PDE4DIP: variants seen among roughly 807,000 people sequenced by gnomAD.
PDE4DIP encodes myomegalin.
Under a neutral mutation model 221.4 loss-of-function variants are expected in PDE4DIP, and 59 were observed. That is an observed-to-expected ratio of 0.27 (90% CI 0.22 to 0.33). The LOEUF (loss-of-function observed/expected upper bound fraction) is 0.33. Ranked by LOEUF, PDE4DIP falls within the 10% of genes least tolerant of loss-of-function variation. The probability of loss-of-function intolerance (pLI) is 1.00; values close to 1 mark genes in which losing one functional copy is unlikely to be tolerated. For synonymous variants in PDE4DIP, 404 were observed against 815.9 expected (o/e 0.50, Z 8.60); for missense variants, 1,036 against 2,154.2 (o/e 0.48, Z 10.28).
intron 5 of PDE4DIP, chr1:148,952,388 G>C (rs1553490448): frequency 2.8e-6 from 3 of 1,078,616 alleles, no homozygotes; most frequent in Non-Finnish European, 3.4e-6. Context: ...CTCCATCCCC[G>C]AGGCTTTGCG....
At chr1:148,984,349 A>G (rs1250388770) in intron 21 of PDE4DIP, 3 of 151,958 alleles carry the variant, frequency 2.0e-5, no homozygotes, top group East Asian at 3.8e-4. Flanking sequence ...CCTTATTTAT[A>G]TTTTTAAAAG....
At chr1:149,009,678 G>A (rs782329428) in exon 30 of PDE4DIP, 37 of 1,613,992 alleles carry the variant, frequency 2.3e-5, no homozygotes, top group African/African-American at 2.7e-5. Flanking sequence ...GACTCCCACC[G>A]CTCTCCCAGC....
chr1:148,828,835 GT>G (rs1671269005), intron 1 of PDE4DIP, among the ~76,000 whole-genome samples: 1 of 151,188 alleles, frequency 6.6e-6, no homozygotes, highest in South Asian at 2.1e-4. Flanking sequence ...GAGGTTTGAG[GT>G]TTTTGTTATG....
intron 1 of PDE4DIP, among the ~76,000 whole-genome samples, chr1:148,927,719 C>T (rs1553466671): frequency 2.0e-5 from 3 of 151,646 alleles, no homozygotes; most frequent in Non-Finnish European, 2.9e-5. Flanking sequence ...TACTAAATAA[C>T]ATTCTTCTTG....
At position 148,898,868 on chromosome 1, in the gene PDE4DIP, G is replaced by C. The variant is rs1214535839; in HGVS notation, c.141+8974G>C. Reference sequence around the variant, plus strand: ...TTACTTTGAGACAGAGTCTTGCTCTGTCGGCCAGGCTGGAGTGCAGTGGCA... The same window carrying C: ...TTACTTTGAGACAGAGTCTTGCTCTCTCGGCCAGGCTGGAGTGCAGTGGCA... On this transcript the variant is annotated intron_variant, in intron 1 of 43. Transcript: ENST00000369354. 5.3e-4 allele frequency among the ~76,000 whole-genome samples: 61 copies of C among 114,520 alleles called. 13 individuals carry two copies. The Admixed American group carries it at 5.5e-3, about 10-fold the overall frequency. 75.1% of individuals were successfully genotyped at this position (114,520 alleles called of 152,430 possible). A position where few individuals can be genotyped will look rare whatever the true frequency, so the allele number is the denominator to read the frequency against.
chr1:148,987,065 C>T (rs782765363), intron 21 of PDE4DIP, among the ~76,000 whole-genome samples: 4 of 152,068 alleles, frequency 2.6e-5, no homozygotes, highest in South Asian at 4.1e-4. Context: ...ATTTCATACC[C>T]CCAAAAGTAT....
rs1161239848 is a variant in PDE4DIP at position 149,010,561 on chromosome 1, GA to G, written c.5048del (p.Asn1683IlefsTer87). On this transcript the variant is annotated frameshift_variant, in exon 31 of 44. Transcript: ENST00000369354. LOFTEE classifies it high-confidence loss of function. ...ACCCCATCAGCTTGCCAACTCCCCA[GA>G]ATACCCCCAAGGAGGCCAACCAGGC... 6.2e-7 allele frequency: 1 copy of G among 1,613,954 alleles called. No homozygotes were observed. Among genetic ancestry groups the G allele is most frequent in the African/African-American group, 1.3e-5 (1 of 74,904 alleles).
chr1:148,951,883 C>G (rs1286909188), intron 5 of PDE4DIP: 1 of 209,692 alleles, frequency 4.8e-6, no homozygotes, highest in Non-Finnish European at 8.3e-6. Context: ...GTTGCACGGC[C>G]CCGCCCCTCC....
chr1:148,960,118 C>T (rs1183363765), intron 5 of PDE4DIP, among the ~76,000 whole-genome samples: 1 of 152,304 alleles, frequency 6.6e-6, no homozygotes, highest in African/African-American at 2.4e-5. Flanking sequence ...TATATAATTA[C>T]AGTACAATTA....
intron 21 of PDE4DIP, chr1:148,983,225 C>G (rs1207264134): frequency 1.3e-5 from 2 of 152,016 alleles, no homozygotes; most frequent in Admixed American, 6.6e-5. Flanking sequence ...ACTAGTTTGT[C>G]GTGTCATTAC....
chr1:148,936,762 C>T (rs587762227), intron 4 of PDE4DIP, among the ~76,000 whole-genome samples: 3 of 151,708 alleles, frequency 2.0e-5, no homozygotes, highest in African/African-American at 7.3e-5. Context: ...AAGACACAAA[C>T]ATACACACAA....
At chr1:148,930,639 A>G (rs587661639) in intron 2 of PDE4DIP, 7 of 151,866 alleles carry the variant, frequency 4.6e-5, no homozygotes, top group Admixed American at 1.3e-4. Flanking sequence ...GAATACATCT[A>G]ACCAAGGAGG....
At chr1:148,985,257 A>C (rs1553548311) in intron 21 of PDE4DIP, 1 of 152,008 alleles carries the variant, frequency 6.6e-6, no homozygotes, top group African/African-American at 2.4e-5. Context: ...GAAATATGGA[A>C]CTCCAATGTG....
At chr1:148,956,152 G>C (rs1281544574) in intron 5 of PDE4DIP, among the ~76,000 whole-genome samples, 1 of 151,752 alleles carries the variant, frequency 6.6e-6, no homozygotes, top group Non-Finnish European at 1.5e-5. Flanking sequence ...AATTTTTTTT[G>C]GTAGTTCTCT....
intron 19 of PDE4DIP, 100 bp downstream of exon 22, chr1:148,978,515 T>C: frequency 3.7e-6 from 3 of 821,750 alleles, no homozygotes; most frequent in South Asian, 2.0e-5. Context: ...TTGGTCAGGC[T>C]AGTCTTGAAC....
chr1:148,972,525 A>G lies in PDE4DIP; in HGVS notation c.2160A>G (p.Ile720Met), dbSNP rs148999139. Residue 720 changes from isoleucine to methionine, a missense_variant, in exon 16 of 44, where the codon ATA (isoleucine) becomes ATG (methionine). Transcript: ENST00000369354. ...CAATTTTTTAGGGTTCAATGCAGAT[A>G]CCTTCCAGAGATGATAGCACTTCAT... is the stretch of plus-strand genomic sequence containing the variant. 4.6e-4 allele frequency: 262 copies of G among 563,464 alleles called. No individual in the cohort carries two copies. The African/African-American group carries it at 5.8e-3, about 12-fold the overall frequency. 34.9% of individuals were successfully genotyped at this position (563,464 alleles called of 1,614,324 possible).
At position 148,923,556 on chromosome 1, in the gene PDE4DIP, C is replaced by T. The variant is rs1412462683; in HGVS notation, c.142-5641C>T. Reference sequence around the variant, plus strand: ...TGGCGCGATCTCGGCTCACTGCAAGCTCCGCCTCCCGGGTTCACGCCATTC... The same window carrying T: ...TGGCGCGATCTCGGCTCACTGCAAGTTCCGCCTCCCGGGTTCACGCCATTC... On this transcript the variant is annotated intron_variant, in intron 1 of 43. Coordinates refer to ENST00000369354, the Ensembl canonical transcript of PDE4DIP. Among the ~76,000 whole-genome samples the T allele has an allele frequency of 2.8e-5, 4 of 144,404 alleles. 1 individual carries two copies. Among genetic ancestry groups the T allele is most frequent in the Non-Finnish European group, 6.0e-5 (4 of 66,376 alleles). 94.7% of individuals were successfully genotyped at this position (144,404 alleles called of 152,430 possible). A position where few individuals can be genotyped will look rare whatever the true frequency, so the allele number is the denominator to read the frequency against.
intron 35 of PDE4DIP, 37 bp from the exon 39 acceptor site, chr1:149,020,110 C>G (rs587714241): frequency 3.3e-4 from 142 of 433,106 alleles, no homozygotes; most frequent in Non-Finnish European, 5.3e-4. Flanking sequence ...AGCTCTGGCC[C>G]CATGATAATA....
chr1:148,922,934 G>A (rs1405059787), intron 1 of PDE4DIP, among the ~76,000 whole-genome samples: 12 of 141,726 alleles, frequency 8.5e-5, no homozygotes, highest in Non-Finnish European at 1.5e-4. Context: ...CACCCCAGCT[G>A]GAGTAGATTT....
Sources: allele counts gnomAD v4.1 joint callset (sites outside exome capture counted in the v4.1 genomes callset), GRCh38; gene constraint gnomAD v4.1.1; transcripts MANE v1.5; gene names NCBI Gene and HGNC (gene_info 2026-07-23, HGNC 2026-07-21).